The following TENM4 variants were observed in gnomAD, a reference collection of about 807,000 sequenced individuals.
The protein encoded by TENM4 is teneurin-4.
A neutral mutation model predicts 243.3 loss-of-function variants in TENM4; 82 were observed. The observed-to-expected ratio is 0.34, with a 90% CI of 0.28 to 0.40. TENM4 has a LOEUF of 0.40. Ranked by LOEUF, TENM4 falls within the 10% of genes least tolerant of loss-of-function variation. TENM4 has a pLI of 1.00. For synonymous variants in TENM4, 1,412 were observed against 1,456.3 expected (o/e 0.97, Z 0.69); for missense variants, 3,138 against 3,673.3 (o/e 0.85, Z 3.77).
At position 78,722,834 on chromosome 11, in the gene TENM4, G is replaced by T; in HGVS notation, c.3634C>A (p.Arg1212=). The T allele has an allele frequency of 6.2e-7, 1 of 1,614,038 alleles. No individual in the cohort carries two copies. The highest frequency in any genetic ancestry group is 8.5e-7 in the Non-Finnish European group (1 of 1,179,896). Residue 1212 remains arginine, a synonymous_variant, in exon 24 of 34, where the codon CGG becomes AGG. Coordinates refer to ENST00000278550, the MANE Select transcript of TENM4 (RefSeq NM_001098816.3). The part of the protein sequence containing the change: ...VIGSIMGNGR[R]RSISCPSCNG... ...CAGCTGGGGCAGGAGATGCTTCTCC[G>T]GCGCCCATTGCCCATGATGCTCCCA...
rs117461896 is a variant in TENM4 at position 79,375,706 on chromosome 11, C to T, written c.-321+64803G>A. On this transcript the variant is annotated intron_variant, in intron 1 of 33. Coordinates refer to ENST00000278550, the MANE Select transcript of TENM4 (RefSeq NM_001098816.3). ...GAAGAAAAATGTGAAGCAATTAAGA[C>T]ATACACATATTTAATCAAAGCTGTA... 1.6e-3 allele frequency among the ~76,000 whole-genome samples: 244 copies of T among 152,266 alleles called. 1 individual carries two copies. Among genetic ancestry groups the T allele is most frequent in the Middle Eastern group, 6.8e-3 (2 of 294 alleles).
At chr11:79,419,228 A>G (rs1858880666) in intron 1 of TENM4, among the ~76,000 whole-genome samples, 1 of 152,214 alleles carries the variant, frequency 6.6e-6, no homozygotes, top group South Asian at 2.1e-4. Flanking sequence ...CCAGCAAGTC[A>G]TGGCAATGTT....
chr11:79,006,306 A>G (rs1858484392), intron 6 of TENM4, among the ~76,000 whole-genome samples: 1 of 152,210 alleles, frequency 6.6e-6, no homozygotes, highest in South Asian at 2.1e-4. Flanking sequence ...GATACCTTCA[A>G]GTTGGTTGAT....
At chr11:79,230,990 A>C (rs1590812361) in intron 2 of TENM4, among the ~76,000 whole-genome samples, 1 of 152,318 alleles carries the variant, frequency 6.6e-6, no homozygotes, top group African/African-American at 2.4e-5. Flanking sequence ...GGGGTTGGGG[A>C]AAAGGTATGT....
chr11:79,192,557 T>C (rs1234552398), intron 3 of TENM4, among the ~76,000 whole-genome samples: 4 of 151,960 alleles, frequency 2.6e-5, no homozygotes, highest in Admixed American at 6.5e-5. Context: ...GTTAAACAGA[T>C]GCTTGAAGGC....
At chr11:78,913,997 C>T (rs752433529) in intron 6 of TENM4, among the ~76,000 whole-genome samples, 2 of 152,070 alleles carry the variant, frequency 1.3e-5, no homozygotes, top group Non-Finnish European at 2.9e-5. Context: ...TTTAGGAGTC[C>T]AGCTGAAAAA....
chr11:79,430,794 CT>C (rs1294006369), intron 1 of TENM4, among the ~76,000 whole-genome samples: 2 of 152,198 alleles, frequency 1.3e-5, no homozygotes, highest in Non-Finnish European at 2.9e-5. Flanking sequence ...TTGATGTCTT[CT>C]GCAATACCCC....
intron 8 of TENM4, among the ~76,000 whole-genome samples, 169 bp from the exon 9 acceptor site, chr11:78,890,189 G>A (rs1855631190): frequency 6.6e-6 from 1 of 152,076 alleles, no homozygotes; most frequent in Non-Finnish European, 1.5e-5. Context: ...CTACGGACTA[G>A]ACCATGGAAC....
intron 3 of TENM4, among the ~76,000 whole-genome samples, chr11:79,170,249 G>A (rs930482218): frequency 6.6e-5 from 10 of 152,114 alleles, no homozygotes; most frequent in South Asian, 6.3e-4. Context: ...GGGAACATAA[G>A]ACTCTGTCAC....
rs546439877 is a variant in TENM4, at chr11:78,844,366, G to A, written c.1681+9738C>T. Among the ~76,000 whole-genome samples the A allele has an allele frequency of 1.2e-4, 18 of 152,296 alleles. No homozygotes were observed. In the East Asian group the frequency reaches 2.5e-3, roughly 21 times the overall value. On this transcript the variant is annotated intron_variant, in intron 12 of 33. Transcript: ENST00000278550. ...GTCCTTATAAAAAGAGGAAAAGGCC[G>A]GGTGCGGTGGCTCATGCCTGTAATT...
intron 3 of TENM4, among the ~76,000 whole-genome samples, chr11:79,154,205 C>T (rs1862560479): frequency 6.6e-6 from 1 of 152,038 alleles, no homozygotes; most frequent in African/African-American, 2.4e-5. Context: ...GTGTTGGCAT[C>T]TGCTTCTGGT....
chr11:79,259,671 AT>A (rs1855762812), intron 2 of TENM4, among the ~76,000 whole-genome samples: 1 of 149,858 alleles, frequency 6.7e-6, no homozygotes, highest in Non-Finnish European at 1.5e-5. Context: ...CCATCCATCC[AT>A]CCATCCATCC....
At position 79,394,051 on chromosome 11, in the gene TENM4, G is replaced by A. The variant is rs895505833; in HGVS notation, c.-321+46458C>T. Among the ~76,000 whole-genome samples the A allele has an allele frequency of 5.9e-5, 9 of 152,160 alleles. No individual in the cohort carries two copies. The East Asian group carries it at 1.2e-3, about 20-fold the overall frequency. ...AGTGAGAATTGAACCCTGGCTCCCCGCAGCTTGGAATGAGGTACAGTGAAT... is the reference window on the plus strand; with the variant it reads ...AGTGAGAATTGAACCCTGGCTCCCCACAGCTTGGAATGAGGTACAGTGAAT... On this transcript the variant is annotated intron_variant, in intron 1 of 33. Coordinates refer to ENST00000278550, the MANE Select transcript of TENM4 (RefSeq NM_001098816.3).
At chr11:78,917,131 GA>G (rs1258482134) in intron 6 of TENM4, among the ~76,000 whole-genome samples, 1 of 152,218 alleles carries the variant, frequency 6.6e-6, no homozygotes, top group Non-Finnish European at 1.5e-5. Context: ...TAACACACCA[GA>G]AGGACAATCC....
intron 1 of TENM4, among the ~76,000 whole-genome samples, chr11:79,414,006 G>GA (rs538064129): frequency 7.3e-5 from 11 of 150,436 alleles, no homozygotes; most frequent in Middle Eastern, 3.5e-3. Flanking sequence ...ATTAAGAACA[G>GA]AAAAAAAAAG....
At chr11:79,159,960 T>G (rs751730519) in intron 3 of TENM4, among the ~76,000 whole-genome samples, 40 of 152,258 alleles carry the variant, frequency 2.6e-4, no homozygotes, top group Non-Finnish European at 5.0e-4. Flanking sequence ...ATTTTCTTGT[T>G]GATTTATTTA....
At chr11:78,673,442 G>C (rs1858386392) in intron 30 of TENM4, among the ~76,000 whole-genome samples, 1 of 152,144 alleles carries the variant, frequency 6.6e-6, no homozygotes, top group South Asian at 2.1e-4. Context: ...CAGATAATTA[G>C]GTCACGTGAT....
chr11:79,324,954 C>T (rs1856949622), intron 1 of TENM4, among the ~76,000 whole-genome samples: 1 of 152,228 alleles, frequency 6.6e-6, no homozygotes. Context: ...GGCCCCACCT[C>T]TCTGTGCCTT....
intron 1 of TENM4, among the ~76,000 whole-genome samples, chr11:79,428,442 T>C (rs1314010726): frequency 6.6e-6 from 1 of 152,238 alleles, no homozygotes; most frequent in Non-Finnish European, 1.5e-5. Flanking sequence ...TATTATCATC[T>C]GATAAGCATT....
Sources: gnomAD v4.1 joint callset for allele counts (sites outside exome capture counted in the v4.1 genomes callset) on GRCh38, gnomAD v4.1.1 for gene constraint, MANE v1.5 for transcripts, NCBI Gene and HGNC (gene_info 2026-07-23, HGNC 2026-07-21) for gene names.